Variants in GLIPR1L1 observed in about 807,000 individuals in gnomAD.
The protein encoded by GLIPR1L1 is GLIPR1 like 1.
A neutral mutation model predicts 29.9 loss-of-function variants in GLIPR1L1; 26 were observed. That is an observed-to-expected ratio of 0.87 (90% CI 0.64 to 1.21). The LOEUF (loss-of-function observed/expected upper bound fraction) is 1.21. Ranked by LOEUF, GLIPR1L1 falls within the 50% of genes most tolerant of loss-of-function variation. GLIPR1L1 has a pLI of 0.00. For missense variants in GLIPR1L1, 305 were observed against 290.3 expected (o/e 1.05, Z -0.37); for synonymous variants, 77 against 97.5 (o/e 0.79, Z 1.24).
intron 1 of GLIPR1L1, among the ~76,000 whole-genome samples, chr12:75,340,732 TAA>T (rs540433596): frequency 1.6e-5 from 2 of 122,766 alleles, no homozygotes; most frequent in Non-Finnish European, 1.8e-5. Flanking sequence ...AACTCAACAG[TAA>T]AAAAAAAAAA....
chr12:75,351,796 C>T (rs562711399), intron 3 of GLIPR1L1, among the ~76,000 whole-genome samples: 1 of 152,296 alleles, frequency 6.6e-6, no homozygotes, highest in African/African-American at 2.4e-5. Flanking sequence ...ATCCACCCTC[C>T]TTGGCCTCCC....
In GLIPR1L1 at chr12:75,364,314, T is replaced by TG. The variant is rs373507917; in HGVS notation, c.610+1130dup. ...AAAAGTAGAGGTCCATTCAGATGGT[T>TG]GGGGGGCTTAGAATTTTAGTTTTGG... On this transcript the variant is annotated intron_variant, in intron 4 of 5. Transcript: ENST00000378695. Among the ~76,000 whole-genome samples the TG allele has an allele frequency of 1.7e-3, 253 of 152,334 alleles. 1 individual carries two copies. The highest frequency in any genetic ancestry group is 5.7e-3 in the African/African-American group (237 of 41,586).
Position 75,370,258 on chromosome 12 carries a change from C to A in GLIPR1L1, c.*82C>A. On this transcript the variant is annotated 3_prime_UTR_variant, in exon 6 of 6. Coordinates refer to ENST00000378695, the MANE Select transcript of GLIPR1L1 (RefSeq NM_001304964.2). ...CTTAATATAACTTATCATCACTTTG[C>A]TTCTTTACTGAATCTTCTACACTCT... 1 of 749,354 alleles carries A rather than the reference C, an allele frequency of 1.3e-6. No individual in the cohort carries two copies. Among genetic ancestry groups the A allele is most frequent in the Non-Finnish European group, 2.3e-6 (1 of 440,816 alleles). 46.4% of individuals were successfully genotyped at this position (749,354 alleles called of 1,614,324 possible). A position where few individuals can be genotyped will look rare whatever the true frequency, so the allele number is the denominator to read the frequency against.
intron 3 of GLIPR1L1, among the ~76,000 whole-genome samples, chr12:75,361,888 C>T (rs1480209402): frequency 6.6e-6 from 1 of 152,026 alleles, no homozygotes; most frequent in East Asian, 1.9e-4. Flanking sequence ...AGAGCCAAAC[C>T]ATATCAATAG....
chr12:75,355,533 C>G lies in GLIPR1L1; in HGVS notation c.522-7569C>G, dbSNP rs1565986240. On this transcript the variant is annotated intron_variant, in intron 3 of 5. Transcript: ENST00000378695. ...TTTACACTGTTGGTGGGAATGTACA[C>G]TCCACAATAGTCAAACCATTGTAGA... Among the ~76,000 whole-genome samples, 7 of 151,958 alleles carry G rather than the reference C, an allele frequency of 4.6e-5. No homozygotes were observed. The South Asian group carries it at 1.4e-3, about 31-fold the overall frequency.
intron 3 of GLIPR1L1, among the ~76,000 whole-genome samples, chr12:75,354,335 A>G (rs1173544660): frequency 2.6e-5 from 4 of 152,262 alleles, no homozygotes; most frequent in East Asian, 3.9e-4. Context: ...CTGTACACCA[A>G]CAACAGACAA....
intron 1 of GLIPR1L1, among the ~76,000 whole-genome samples, chr12:75,342,425 C>A (rs1411935336): frequency 6.6e-6 from 1 of 152,028 alleles, no homozygotes; most frequent in Non-Finnish European, 1.5e-5. Context: ...TTTGTAACTT[C>A]TTGTGAATTT....
chr12:75,357,940 T>A, intron 3 of GLIPR1L1, among the ~76,000 whole-genome samples: 1 of 142,652 alleles, frequency 7.0e-6, no homozygotes, highest in African/African-American at 2.6e-5. Flanking sequence ...CCTAAGAAAC[T>A]AGGGGACAAA....
Position 75,351,550 on chromosome 12 carries a change from G to T in GLIPR1L1, c.521+3828G>T, listed in dbSNP as rs79169014. Among the ~76,000 whole-genome samples, 1,091 of 131,070 alleles carry T rather than the reference G, an allele frequency of 8.3e-3. 11 individuals carry two copies. Among genetic ancestry groups the T allele is most frequent in the African/African-American group, 0.024 (860 of 36,458 alleles). The allele number at this position is 131,070 out of a possible 152,430, so 86.0% of individuals were successfully genotyped here. A position where few individuals can be genotyped will look rare whatever the true frequency, so the allele number is the denominator to read the frequency against. On this transcript the variant is annotated intron_variant, in intron 3 of 5. Coordinates refer to ENST00000378695, the MANE Select transcript of GLIPR1L1 (RefSeq NM_001304964.2). ...AATATTTAACACTCTGTTTTGTTTT[G>T]TTTTTTTTTTTTTTGAGATGGAGTC...
intron 5 of GLIPR1L1, 46 bp downstream of exon 5, chr12:75,370,032 T>C (rs1435593843): frequency 1.6e-6 from 2 of 1,287,226 alleles, no homozygotes; most frequent in Non-Finnish European, 2.2e-6. Context: ...TTTCCTCCCG[T>C]TGAAAATCAA....
At chr12:75,357,856 T>C (rs1209098184) in intron 3 of GLIPR1L1, among the ~76,000 whole-genome samples, 4 of 150,978 alleles carry the variant, frequency 2.6e-5, no homozygotes, top group African/African-American at 7.3e-5. Flanking sequence ...ACAGTAATTA[T>C]GAGAAAATTT....
intron 3 of GLIPR1L1, among the ~76,000 whole-genome samples, chr12:75,351,557 T>A (rs1319560922): frequency 1.3e-5 from 2 of 151,734 alleles, no homozygotes; most frequent in Non-Finnish European, 2.9e-5. Context: ...TTTGTTTTTT[T>A]TTTTTTTGAG....
chr12:75,363,196 C>CA lies in GLIPR1L1; in HGVS notation c.610+11dup. ...ATGTGTAAAGAACCTCTGCAGTAAG[C>CA]AAAAATATATATATATAATTACATT... On this transcript the variant is annotated splice_region_variant and intron_variant, in intron 4 of 5. Coordinates refer to ENST00000378695, the MANE Select transcript of GLIPR1L1 (RefSeq NM_001304964.2). 7.8e-7 allele frequency: 1 copy of CA among 1,289,488 alleles called. No homozygotes were observed. Among genetic ancestry groups the CA allele is most frequent in the Non-Finnish European group, 1.0e-6 (1 of 953,950 alleles). The allele number at this position is 1,289,488 out of a possible 1,614,324, so 79.9% of individuals were successfully genotyped here. A position where few individuals can be genotyped will look rare whatever the true frequency, so the allele number is the denominator to read the frequency against.
intron 3 of GLIPR1L1, among the ~76,000 whole-genome samples, chr12:75,356,728 G>A (rs1056211861): frequency 2.0e-5 from 3 of 152,048 alleles, no homozygotes; most frequent in Non-Finnish European, 4.4e-5. Flanking sequence ...TGGTATAAAT[G>A]CCCCAAACTA....
intron 1 of GLIPR1L1, among the ~76,000 whole-genome samples, chr12:75,336,841 T>C (rs2041768827): frequency 6.6e-6 from 1 of 151,844 alleles, no homozygotes; most frequent in African/African-American, 2.4e-5. Context: ...AAGTATTCAT[T>C]ACATTCATCA....
intron 3 of GLIPR1L1, among the ~76,000 whole-genome samples, chr12:75,353,354 A>G (rs570913383): frequency 1.3e-5 from 2 of 152,332 alleles, no homozygotes; most frequent in East Asian, 3.8e-4. Flanking sequence ...CCATCAGAGA[A>G]TACTATAAAC....
chr12:75,368,874 G>T (rs896806804), intron 4 of GLIPR1L1, among the ~76,000 whole-genome samples: 1 of 151,632 alleles, frequency 6.6e-6, no homozygotes, highest in African/African-American at 2.4e-5. Context: ...CATCATTATG[G>T]GATATTTGGG....
At chr12:75,340,056 C>T (rs2041999498) in intron 1 of GLIPR1L1, among the ~76,000 whole-genome samples, 1 of 151,922 alleles carries the variant, frequency 6.6e-6, no homozygotes, top group African/African-American at 2.4e-5. Context: ...CCAACTCCAT[C>T]CAGGTTGCTG....
At chr12:75,356,665 T>C (rs1477759551) in intron 3 of GLIPR1L1, among the ~76,000 whole-genome samples, 1 of 151,964 alleles carries the variant, frequency 6.6e-6, no homozygotes, top group African/African-American at 2.4e-5. Context: ...GCAAATAAAA[T>C]GAATAAGATG....
Sources: allele counts gnomAD v4.1 joint callset (sites outside exome capture counted in the v4.1 genomes callset), GRCh38; gene constraint gnomAD v4.1.1; transcripts MANE v1.5; gene names NCBI Gene and HGNC (gene_info 2026-07-23, HGNC 2026-07-21).